The following IQSEC3 variants were observed in gnomAD, a reference collection of about 807,000 sequenced individuals.
IQSEC3 encodes the protein IQ motif and Sec7 domain ArfGEF 3.
IQSEC3 carries 50 observed loss-of-function variants against 105.4 expected under a neutral mutation model. The ratio of observed to expected loss-of-function variants is 0.47; its 90% CI spans 0.38 to 0.60. IQSEC3 has a LOEUF of 0.60. IQSEC3 is among the 20% of genes least tolerant of loss of function. The pLI, the probability that IQSEC3 is intolerant of heterozygous loss-of-function variation, is 0.00. For missense variants in IQSEC3, 1,415 were observed against 1,630.0 expected (o/e 0.87, Z 2.27); for synonymous variants, 708 against 746.0 (o/e 0.95, Z 0.83).
At chr12:102,216 G>T in intron 2 of IQSEC3, among the ~76,000 whole-genome samples, 1 of 150,002 alleles carries the variant, frequency 6.7e-6, no homozygotes, top group Admixed American at 6.8e-5. Flanking sequence ...CCATCAGTCT[G>T]GCTCCTCCCC....
chr12:166,599 G>T (rs967849705), intron 11 of IQSEC3, among the ~76,000 whole-genome samples: 6 of 152,332 alleles, frequency 3.9e-5, no homozygotes, highest in Non-Finnish European at 7.3e-5. Flanking sequence ...GGAGGCGCCA[G>T]ATAGCCTTTA....
At position 175,191 on chromosome 12, in the gene IQSEC3, C is replaced by T. The variant is rs1161505591; in HGVS notation, c.*158C>T. The T allele has an allele frequency of 4.9e-6, 3 of 609,716 alleles. No homozygotes were observed. The highest frequency in any genetic ancestry group is 8.4e-6 in the Non-Finnish European group (3 of 356,112). 37.8% of individuals were successfully genotyped at this position (609,716 alleles called of 1,614,324 possible). A position where few individuals can be genotyped will look rare whatever the true frequency, so the allele number is the denominator to read the frequency against. On this transcript the variant is annotated 3_prime_UTR_variant, in exon 14 of 14. Transcript: ENST00000538872. ...CAATCCCTGGCACCTGGGTTTGCCT[C>T]ATCCAACCATCCTTCCCTTTCTCAG...
chr12:99,161 G>A lies in IQSEC3; in HGVS notation c.570G>A (p.Leu190=). The A allele has an allele frequency of 6.3e-7, 1 of 1,598,888 alleles. No individual in the cohort carries two copies. Among genetic ancestry groups the A allele is most frequent in the Non-Finnish European group, 8.5e-7 (1 of 1,179,710 alleles). ...CTGCCCGCAGGAATGAGACCGTGCT[G>A]CACCAGTTCTGCTGCCCAGCCGCCG... is the stretch of plus-strand genomic sequence containing the variant. The part of the protein sequence containing the change: ...LSRRPENETV[L]HQFCCPAADA... The change falls in exon 2 of 14, where the codon CTG becomes CTA. Residue 190 remains leucine (L), a synonymous_variant. Coordinates refer to ENST00000538872, the MANE Select transcript of IQSEC3 (RefSeq NM_001170738.2).
In IQSEC3 at chr12:175,220, C is replaced by T. The variant is rs1462631946; in HGVS notation, c.*187C>T. 2 of 576,004 alleles carry T rather than the reference C, an allele frequency of 3.5e-6. No individual in the cohort carries two copies. Among genetic ancestry groups the T allele is most frequent in the African/African-American group, 1.9e-5 (1 of 53,474 alleles). 35.7% of individuals were successfully genotyped at this position (576,004 alleles called of 1,614,324 possible). A position where few individuals can be genotyped will look rare whatever the true frequency, so the allele number is the denominator to read the frequency against. On this transcript the variant is annotated 3_prime_UTR_variant, in exon 14 of 14. Coordinates refer to ENST00000538872, the MANE Select transcript of IQSEC3 (RefSeq NM_001170738.2). The stretch of plus-strand genomic sequence containing the variant: ...CAACCATCCTTCCCTTTCTCAGCTG[C>T]ACCCCCTCTGCAGATCTGAAGACAC...
At chr12:114,982 G>A (rs1555080347) in intron 2 of IQSEC3, among the ~76,000 whole-genome samples, 1 of 152,212 alleles carries the variant, frequency 6.6e-6, no homozygotes, top group Non-Finnish European at 1.5e-5. Flanking sequence ...AAACAGTGTG[G>A]CCAATCTGAT....
intron 5 of IQSEC3, among the ~76,000 whole-genome samples, chr12:151,310 C>T (rs368483196): frequency 3.8e-4 from 57 of 149,902 alleles, no homozygotes; most frequent in African/African-American, 1.2e-3. Flanking sequence ...CACTAGAGAA[C>T]GGTACCTCCA....
At chr12:101,285 C>T (rs530295321) in intron 2 of IQSEC3, among the ~76,000 whole-genome samples, 8 of 152,278 alleles carry the variant, frequency 5.3e-5, no homozygotes, top group South Asian at 2.1e-4. Flanking sequence ...CCCAGCAGCA[C>T]GCCAGAATGT....
At chr12:170,485 C>T (rs1938924945) in intron 12 of IQSEC3, among the ~76,000 whole-genome samples, 1 of 152,244 alleles carries the variant, frequency 6.6e-6, no homozygotes, top group Non-Finnish European at 1.5e-5. Flanking sequence ...AGCTGGCACC[C>T]CCAGGGGTTG....
At chr12:133,361 A>G (rs1191683999) in intron 3 of IQSEC3, among the ~76,000 whole-genome samples, 1 of 152,236 alleles carries the variant, frequency 6.6e-6, no homozygotes, top group Non-Finnish European at 1.5e-5. Flanking sequence ...TGGCCAGAAT[A>G]CAGGATTAAG....
At chr12:89,954 G>T (rs1232531591) in intron 1 of IQSEC3, among the ~76,000 whole-genome samples, 2 of 152,202 alleles carry the variant, frequency 1.3e-5, no homozygotes, top group Non-Finnish European at 2.9e-5. Context: ...AATTGGAAGG[G>T]TATATGATAA....
At chr12:160,445 C>G (rs1555095828) in intron 7 of IQSEC3, among the ~76,000 whole-genome samples, 1 of 152,088 alleles carries the variant, frequency 6.6e-6, no homozygotes, top group East Asian at 1.9e-4. Flanking sequence ...CAATCTGTTG[C>G]CCAGAATGTA....
chr12:126,570 TGTGC>T (rs1193296504), intron 3 of IQSEC3, among the ~76,000 whole-genome samples: 6 of 151,684 alleles, frequency 4.0e-5, no homozygotes, highest in Admixed American at 2.0e-4. Context: ...TGTGTGTGTG[TGTGC>T]GCTTAGAGAA....
chr12:167,680 G>A (rs1398332071), intron 11 of IQSEC3: 1 of 151,900 alleles, frequency 6.6e-6, no homozygotes, highest in Non-Finnish European at 1.5e-5. Flanking sequence ...AGAAGCTCAA[G>A]AACAGCCAAC....
At chr12:70,034 A>G in intron 1 of IQSEC3, among the ~76,000 whole-genome samples, 1 of 152,254 alleles carries the variant, frequency 6.6e-6, no homozygotes, top group East Asian at 1.9e-4. Context: ...CTGAAGCGGG[A>G]GGAAGAGATG....
chr12:152,953 G>A lies in IQSEC3; in HGVS notation c.2154-4072G>A, dbSNP rs118162136. Among the ~76,000 whole-genome samples, 1,542 of 152,284 alleles carry A rather than the reference G, an allele frequency of 0.01. 18 individuals are homozygous for A. Among genetic ancestry groups the A allele is most frequent in the Non-Finnish European group, 0.015 (1,031 of 68,010 alleles). On this transcript the variant is annotated intron_variant, in intron 5 of 13. Transcript: ENST00000538872. The surrounding 1 kb of genome is among the most constrained non-coding windows in gnomAD (Gnocchi z 4.8). ...CAGGCCACCCTGGGTGGAGGCTGCA[G>A]CATGGATTTGGTAAACTGCCCACAC...
intron 5 of IQSEC3, among the ~76,000 whole-genome samples, chr12:150,701 A>G (rs1248223672): frequency 6.6e-6 from 1 of 152,204 alleles, no homozygotes; most frequent in East Asian, 1.9e-4. Flanking sequence ...AGAAGTGTTA[A>G]TGGTGCCTGG....
intron 2 of IQSEC3, among the ~76,000 whole-genome samples, chr12:115,289 G>C (rs921461912): frequency 1.1e-4 from 16 of 152,162 alleles, no homozygotes; most frequent in African/African-American, 3.9e-4. Flanking sequence ...CCTGGAAATA[G>C]CTCAGGACCC....
At position 139,152 on chromosome 12, in the gene IQSEC3, C is replaced by T. The variant is rs1555088210; in HGVS notation, c.1789C>T (p.Leu597=). ...GGCCGAGGCAGGCGACTTGGAGCAG[C>T]TGAGCAGCAGCAGCACGTCCACCAA... is the stretch of plus-strand genomic sequence containing the variant. ...AEAEAGDLEQ[L]SSSSTSTKSA... is the part of the protein sequence containing the mutation. The change falls in exon 4 of 14, where the codon CTG becomes TTG. Residue 597 remains leucine, a synonymous_variant. Coordinates refer to ENST00000538872, the MANE Select transcript of IQSEC3 (RefSeq NM_001170738.2). The T allele has an allele frequency of 1.9e-6, 3 of 1,552,022 alleles. No homozygotes were observed. Among genetic ancestry groups the T allele is most frequent in the African/African-American group, 2.7e-5 (2 of 73,300 alleles).
chr12:169,266 A>G (rs1292255345), intron 12 of IQSEC3, among the ~76,000 whole-genome samples, 161 bp downstream of exon 12: 2 of 152,060 alleles, frequency 1.3e-5, no homozygotes, highest in African/African-American at 4.8e-5. Flanking sequence ...CATGAGCTTT[A>G]GTGGTGGGAG....
Sources: allele counts gnomAD v4.1 joint callset (sites outside exome capture counted in the v4.1 genomes callset), GRCh38; gene constraint gnomAD v4.1.1; non-coding constraint Gnocchi (gnomAD v3.1); transcripts MANE v1.5; gene names NCBI Gene and HGNC (gene_info 2026-07-23, HGNC 2026-07-21).